The following MAPK8 variants were observed in gnomAD, a reference collection of about 807,000 sequenced individuals.
The protein encoded by MAPK8 is JUN N-terminal kinase.
A neutral mutation model predicts 52.9 loss-of-function variants in MAPK8; 13 were observed. The ratio of observed to expected loss-of-function variants is 0.25; its 90% CI spans 0.16 to 0.39. MAPK8 has a LOEUF of 0.39. MAPK8 is among the 10% of genes least tolerant of loss of function. MAPK8 has a pLI of 1.00. For missense variants in MAPK8, 300 were observed against 519.2 expected (o/e 0.58, Z 4.10); for synonymous variants, 191 against 169.8 (o/e 1.12, Z -0.97).
At chr10:48,340,642 T>C (rs1845165069) in intron 1 of MAPK8, among the ~76,000 whole-genome samples, 1 of 152,266 alleles carries the variant, frequency 6.6e-6, no homozygotes, top group Admixed American at 6.5e-5. Flanking sequence ...ATGAGAAGTC[T>C]GTTGTAATTC....
At chr10:48,395,258 T>TA (rs2041830323) in intron 1 of MAPK8, among the ~76,000 whole-genome samples, 1 of 152,024 alleles carries the variant, frequency 6.6e-6, no homozygotes, top group African/African-American at 2.4e-5. Flanking sequence ...TTTTCACACT[T>TA]ACTAGAAAGC....
At chr10:48,385,322 ACATT>A (rs2041245874) in intron 1 of MAPK8, among the ~76,000 whole-genome samples, 1 of 152,198 alleles carries the variant, frequency 6.6e-6, no homozygotes, top group Non-Finnish European at 1.5e-5. Flanking sequence ...AACATTGCTG[ACATT>A]CATGAATCAA....
At chr10:48,418,696 TA>T (rs1334384736) in intron 5 of MAPK8, among the ~76,000 whole-genome samples, 1 of 152,216 alleles carries the variant, frequency 6.6e-6, no homozygotes. Context: ...TTGCTATTCT[TA>T]TATATAGTTA....
chr10:48,431,323 A>G (rs778785038), intron 11 of MAPK8, 53 bp downstream of exon 11: 15 of 1,216,614 alleles, frequency 1.2e-5, no homozygotes, highest in Admixed American at 7.7e-5. Flanking sequence ...TTGTGTTGTA[A>G]TCTTCAGTGG....
At chr10:48,375,774 G>C (rs867520599) in intron 1 of MAPK8, among the ~76,000 whole-genome samples, 1 of 152,088 alleles carries the variant, frequency 6.6e-6, no homozygotes, top group South Asian at 2.1e-4. Context: ...CCATGCCCAT[G>C]GATAGGAAGA....
At chr10:48,413,393 A>G (rs2042866497) in intron 5 of MAPK8, among the ~76,000 whole-genome samples, 1 of 152,150 alleles carries the variant, frequency 6.6e-6, no homozygotes, top group Non-Finnish European at 1.5e-5. Flanking sequence ...GTACCATTTT[A>G]CATTCCCACC....
intron 1 of MAPK8, among the ~76,000 whole-genome samples, chr10:48,358,895 G>A (rs1282929567): frequency 6.6e-6 from 1 of 152,094 alleles, no homozygotes; most frequent in Non-Finnish European, 1.5e-5. Flanking sequence ...TGACACCCTT[G>A]TCAGAAATCG....
intron 1 of MAPK8, among the ~76,000 whole-genome samples, chr10:48,355,051 T>C (rs1025606794): frequency 2.6e-5 from 4 of 152,112 alleles, no homozygotes; most frequent in East Asian, 1.9e-4. Flanking sequence ...TGCTGGAAAA[T>C]AGGAATAGGC....
At position 48,435,059 on chromosome 10, in the gene MAPK8, T is replaced by TCTG; in HGVS notation, c.*30_*31insCTG. On this transcript the variant is annotated 3_prime_UTR_variant, in exon 12 of 12. Coordinates refer to ENST00000374189, the MANE Select transcript of MAPK8 (RefSeq NM_001323329.2). ...TTGGGCCATCGGGGGGTGGGAGGGA[T>TCTG]GGGGAGTCGGTTAGTCATTGATAGA... is the stretch of plus-strand genomic sequence containing the variant. 2 of 447,998 alleles carry TCTG rather than the reference T, an allele frequency of 4.5e-6. No individual in the cohort carries two copies. The highest frequency in any genetic ancestry group is 4.3e-6 in the Non-Finnish European group (1 of 230,984). The allele number at this position is 447,998 out of a possible 1,614,324, so 27.8% of individuals were successfully genotyped here. A position where few individuals can be genotyped will look rare whatever the true frequency, so the allele number is the denominator to read the frequency against.
chr10:48,392,654 C>T (rs559900868), intron 1 of MAPK8, among the ~76,000 whole-genome samples: 1 of 151,932 alleles, frequency 6.6e-6, no homozygotes, highest in South Asian at 2.1e-4. Context: ...TTCTCATTCC[C>T]CCATTCTCAC....
intron 1 of MAPK8, among the ~76,000 whole-genome samples, chr10:48,387,392 A>C (rs1474953744): frequency 6.6e-6 from 1 of 152,180 alleles, no homozygotes; most frequent in Non-Finnish European, 1.5e-5. Context: ...CTTCTTTATA[A>C]GCGAGTAGTA....
intron 1 of MAPK8, among the ~76,000 whole-genome samples, chr10:48,351,201 T>C (rs1048306328): frequency 6.6e-6 from 1 of 152,070 alleles, no homozygotes; most frequent in African/African-American, 2.4e-5. Context: ...TCTAAGTAAT[T>C]TATAGATTCA....
chr10:48,403,623 C>T (rs2042276356), intron 2 of MAPK8, among the ~76,000 whole-genome samples: 1 of 152,110 alleles, frequency 6.6e-6, no homozygotes, highest in Admixed American at 6.6e-5. Context: ...GGCCTGTTCT[C>T]ATTGTAACCA....
In MAPK8 at chr10:48,386,151, G is replaced by T. The variant is rs562815055; in HGVS notation, c.-49-15461G>T. Among the ~76,000 whole-genome samples the T allele has an allele frequency of 7.2e-5, 11 of 152,200 alleles. No individual in the cohort carries two copies. The South Asian group carries it at 2.3e-3, about 32-fold the overall frequency. ...GAATGTGATCAGCATTTTCTTTTATGAGCCTGGGAGTCTTATTAGTGAAAG... is the reference window on the plus strand; with the variant it reads ...GAATGTGATCAGCATTTTCTTTTATTAGCCTGGGAGTCTTATTAGTGAAAG... On this transcript the variant is annotated intron_variant, in intron 1 of 11. Coordinates refer to ENST00000374189, the MANE Select transcript of MAPK8 (RefSeq NM_001323329.2).
chr10:48,392,852 A>G (rs1372876541), intron 1 of MAPK8, among the ~76,000 whole-genome samples: 1 of 152,172 alleles, frequency 6.6e-6, no homozygotes, highest in Non-Finnish European at 1.5e-5. Flanking sequence ...AGAAGTAGCT[A>G]TATCCAGTTT....
chr10:48,410,282 C>CTG, intron 5 of MAPK8, 114 bp downstream of exon 5: 1 of 755,088 alleles, frequency 1.3e-6, no homozygotes, highest in Non-Finnish European at 1.9e-6. Flanking sequence ...TGCTGTACAA[C>CTG]TACCACCCAT....
At chr10:48,323,380 C>T (rs911706461) in intron 1 of MAPK8, among the ~76,000 whole-genome samples, 2 of 152,092 alleles carry the variant, frequency 1.3e-5, no homozygotes, top group Non-Finnish European at 2.9e-5. Context: ...TTTTAAATTT[C>T]GCAGAGAAAC....
chr10:48,358,805 G>A (rs1377438287), intron 1 of MAPK8, among the ~76,000 whole-genome samples: 1 of 152,124 alleles, frequency 6.6e-6, no homozygotes, highest in East Asian at 1.9e-4. Context: ...TAGGTAACAG[G>A]CTAATGTATT....
chr10:48,376,578 G>C (rs1383805984), intron 1 of MAPK8, among the ~76,000 whole-genome samples: 1 of 152,112 alleles, frequency 6.6e-6, no homozygotes, highest in Non-Finnish European at 1.5e-5. Flanking sequence ...AGCATATGAA[G>C]AGACACTTCT....
Sources: gnomAD v4.1 joint callset for allele counts (sites outside exome capture counted in the v4.1 genomes callset) on GRCh38, gnomAD v4.1.1 for gene constraint, MANE v1.5 for transcripts, NCBI Gene and HGNC (gene_info 2026-07-23, HGNC 2026-07-21) for gene names.